Variants in IFFO2 observed in about 807,000 individuals in gnomAD.
IFFO2 encodes intermediate filament family orphan 2.
In IFFO2, 19 loss-of-function variants were observed where a neutral mutation model predicts 53.5. The ratio of observed to expected loss-of-function variants is 0.36; its 90% confidence interval spans 0.25 to 0.52. The LOEUF is 0.52. Ranked by LOEUF, IFFO2 falls within the 20% of genes least tolerant of loss-of-function variation. The pLI is 0.94. For synonymous variants in IFFO2, 303 were observed against 313.6 expected (o/e 0.97, Z 0.36); for missense variants, 570 against 727.4 (o/e 0.78, Z 2.49).
At position 18,919,648 on chromosome 1, in the gene IFFO2, T is replaced by G; in HGVS notation, c.822+30A>C. The G allele has an allele frequency of 6.8e-7, 1 of 1,478,418 alleles. No individual in the cohort carries two copies. Among genetic ancestry groups the G allele is most frequent in the Non-Finnish European group, 9.3e-7 (1 of 1,080,150 alleles). 91.6% of individuals were successfully genotyped at this position (1,478,418 alleles called of 1,614,324 possible). ...TGCATGATGGGTGTGGGGGAGGTCA[T>G]GACACCCAGGGGCGGCGGGCGGCAC... On this transcript the variant is annotated intron_variant, in intron 3 of 8. Transcript: ENST00000455833. The surrounding 1 kb of genome is among the most constrained non-coding windows in gnomAD (Gnocchi z 4.9).
intron 1 of IFFO2, among the ~76,000 whole-genome samples, chr1:18,931,694 A>G (rs1382046961): frequency 6.6e-6 from 1 of 152,182 alleles, no homozygotes; most frequent in Non-Finnish European, 1.5e-5. Context: ...CAGTTCTGTG[A>G]GCCGGATGTT....
chr1:18,955,521 G>T, intron 1 of IFFO2, 147 bp downstream of exon 1: 1 of 1,245,486 alleles, frequency 8.0e-7, no homozygotes, highest in East Asian at 3.0e-5. Context: ...GGCCTTCCTG[G>T]CGTACGTAAG....
chr1:18,906,196 A>G lies in IFFO2; in HGVS notation c.*2365T>C, dbSNP rs7524223. On this transcript the variant is annotated 3_prime_UTR_variant, in exon 9 of 9. Transcript: ENST00000455833. ...GAGCAGATATTAAAAGCCAGCCAGA[A>G]GGGACTCTCAGGCCAGGATCTCTTT... is the stretch of plus-strand genomic sequence containing the variant. 5,558 of 152,236 alleles carry G rather than the reference A, an allele frequency of 0.037. 223 individuals carry two copies. The highest frequency in any genetic ancestry group is 0.099 in the East Asian group (512 of 5,170). The allele number at this position is 152,236 out of a possible 1,614,324, so 9.4% of individuals were successfully genotyped here.
At chr1:18,921,899 C>T (rs1373441827) in intron 1 of IFFO2, among the ~76,000 whole-genome samples, 1 of 152,076 alleles carries the variant, frequency 6.6e-6, no homozygotes, top group Non-Finnish European at 1.5e-5. Flanking sequence ...TGGACCCCCG[C>T]CCTTAACTGC....
At chr1:18,908,899 G>A (rs1271861374) in intron 8 of IFFO2, among the ~76,000 whole-genome samples, 2 of 152,140 alleles carry the variant, frequency 1.3e-5, no homozygotes, top group African/African-American at 4.8e-5. Flanking sequence ...AAAGCCCCTT[G>A]GGAGCTGGAC....
At position 18,936,949 on chromosome 1, in the gene IFFO2, G is replaced by A. The variant is rs1569857458; in HGVS notation, c.666-15828C>T. On this transcript the variant is annotated intron_variant, in intron 1 of 8. Coordinates refer to ENST00000455833, the MANE Select transcript of IFFO2 (RefSeq NM_001136265.2). This position sits in a 1 kb window ranked among gnomAD's most constrained non-coding sequence, Gnocchi z 4.5. ...ATGTGCAAACACAAACTGGCTGCAG[G>A]TGGGGCAAAAAAAAAAAAAAAGCAC... Among the ~76,000 whole-genome samples the A allele has an allele frequency of 1.3e-5, 1 of 78,836 alleles. No individual in the cohort carries two copies. The highest frequency in any genetic ancestry group is 4.5e-5 in the African/African-American group (1 of 22,052). The allele number at this position is 78,836 out of a possible 152,430, so 51.7% of individuals were successfully genotyped here. A position where few individuals can be genotyped will look rare whatever the true frequency, so the allele number is the denominator to read the frequency against.
chr1:18,933,112 T>C lies in IFFO2; in HGVS notation c.666-11991A>G, dbSNP rs115539400. On this transcript the variant is annotated intron_variant, in intron 1 of 8. Coordinates refer to ENST00000455833, the MANE Select transcript of IFFO2 (RefSeq NM_001136265.2). ...GGACACAGAAGTGGATTAAGAGTAT[T>C]CTCTTCCTGCTGAGAGAGGGGAGGC... Among the ~76,000 whole-genome samples, 369 of 152,338 alleles carry C rather than the reference T, an allele frequency of 2.4e-3. 2 individuals carry two copies. The highest frequency in any genetic ancestry group is 8.5e-3 in the African/African-American group (355 of 41,584).
chr1:18,911,069 C>T (rs868308111), intron 7 of IFFO2, among the ~76,000 whole-genome samples: 3 of 152,316 alleles, frequency 2.0e-5, no homozygotes, highest in Middle Eastern at 3.4e-3. Context: ...GTAAGGATAC[C>T]GGGCATACTC....
In IFFO2 at chr1:18,918,507, A is replaced by G; in HGVS notation, c.823-5T>C. 1.3e-6 allele frequency: 2 copies of G among 1,552,264 alleles called. No homozygotes were observed. Among genetic ancestry groups the G allele is most frequent in the South Asian group, 2.4e-5 (2 of 84,062 alleles). ...TGTGTCCAGGTCTGTCATGGGCTGC[A>G]GGGAGGACAGCAGGGTTTACATGAG... On this transcript the variant is annotated splice_polypyrimidine_tract_variant and splice_region_variant and intron_variant, in intron 3 of 8. Transcript: ENST00000455833. This position sits in a 1 kb window ranked among gnomAD's most constrained non-coding sequence, Gnocchi z 5.2.
At chr1:18,921,258 C>T in intron 1 of IFFO2, 137 bp from the exon 2 acceptor site, 1 of 753,744 alleles carries the variant, frequency 1.3e-6, no homozygotes, top group Non-Finnish European at 2.3e-6. Flanking sequence ...CCATCCCTGC[C>T]TGCCCTCTGG....
intron 1 of IFFO2, among the ~76,000 whole-genome samples, chr1:18,930,976 G>A (rs955488107): frequency 3.3e-5 from 5 of 152,076 alleles, no homozygotes; most frequent in African/African-American, 4.8e-5. Flanking sequence ...TTCAACACCA[G>A]CCTGAACAAC....
chr1:18,937,213 C>A (rs1333015095), intron 1 of IFFO2, among the ~76,000 whole-genome samples: 2 of 152,154 alleles, frequency 1.3e-5, no homozygotes, highest in Admixed American at 1.3e-4. Flanking sequence ...ACAAAAGACA[C>A]GTGGGGCTTG....
At chr1:18,939,829 AT>A (rs1936498038) in intron 1 of IFFO2, among the ~76,000 whole-genome samples, 1 of 152,168 alleles carries the variant, frequency 6.6e-6, no homozygotes, top group Admixed American at 6.5e-5. Flanking sequence ...GCACTTCCCA[AT>A]GGAAAAGGCC....
At chr1:18,925,797 GGATGGATT>G in intron 1 of IFFO2, among the ~76,000 whole-genome samples, 3 of 140,042 alleles carry the variant, frequency 2.1e-5, no homozygotes, top group Admixed American at 7.3e-5. Flanking sequence ...TTGGATGGAT[GGATGGATT>G]GGTTGGATGG....
At chr1:18,930,774 A>G (rs1037029078) in intron 1 of IFFO2, among the ~76,000 whole-genome samples, 3 of 152,332 alleles carry the variant, frequency 2.0e-5, no homozygotes, top group South Asian at 4.1e-4. Context: ...CCCAATGCCA[A>G]TCTGAGGTTT....
intron 1 of IFFO2, among the ~76,000 whole-genome samples, chr1:18,929,711 G>A (rs1275481628): frequency 2.0e-5 from 3 of 151,998 alleles, no homozygotes; most frequent in South Asian, 2.1e-4. Flanking sequence ...ACTGGGCTCC[G>A]GCCCCCCAGC....
At chr1:18,923,233 A>T (rs957870854) in intron 1 of IFFO2, among the ~76,000 whole-genome samples, 7 of 152,202 alleles carry the variant, frequency 4.6e-5, no homozygotes, top group Non-Finnish European at 8.8e-5. Context: ...GGACGCAGGC[A>T]CCCAGGGGCA....
intron 5 of IFFO2, among the ~76,000 whole-genome samples, chr1:18,913,797 A>C (rs1027544831): frequency 1.4e-5 from 2 of 145,894 alleles, no homozygotes; most frequent in Admixed American, 6.8e-5. Flanking sequence ...AAGTGATCAG[A>C]GGTTTCGTTG....
In IFFO2 at chr1:18,956,490, C is replaced by T. The variant is rs1377070548; in HGVS notation, c.-158G>A. On this transcript the variant is annotated 5_prime_UTR_variant, in exon 1 of 9. Coordinates refer to ENST00000455833, the MANE Select transcript of IFFO2 (RefSeq NM_001136265.2). The surrounding 1 kb of genome is among the most constrained non-coding windows in gnomAD (Gnocchi z 6.4). ...GCGCCAGATGCGGCCTCCGCAGAGA[C>T]GGCAGGACGGATGGCCCCGGATGCG... The T allele has an allele frequency of 1.3e-5, 2 of 159,014 alleles. No individual in the cohort carries two copies. The highest frequency in any genetic ancestry group is 2.7e-5 in the Non-Finnish European group (2 of 72,902). The allele number at this position is 159,014 out of a possible 1,614,324, so 9.9% of individuals were successfully genotyped here. A position where few individuals can be genotyped will look rare whatever the true frequency, so the allele number is the denominator to read the frequency against.
Sources: gnomAD v4.1 joint callset for allele counts (sites outside exome capture counted in the v4.1 genomes callset) on GRCh38, gnomAD v4.1.1 for gene constraint, Gnocchi (gnomAD v3.1) non-coding constraint, MANE v1.5 for transcripts, NCBI Gene and HGNC (gene_info 2026-07-23, HGNC 2026-07-21) for gene names.